The following ZNF292 variants were observed in gnomAD, a reference collection of about 807,000 sequenced individuals.
ZNF292 encodes the protein 16 zinc-finger domain protein.
ZNF292 carries 26 observed loss-of-function variants against 217.9 expected under a neutral mutation model. The ratio of observed to expected loss-of-function variants is 0.12; its 90% CI spans 0.09 to 0.17. The LOEUF is 0.17. Among genes scored for constraint, ZNF292 ranks in the 10% least tolerant of loss-of-function variants. The probability of loss-of-function intolerance (pLI) is 1.00; values close to 1 mark genes in which losing one functional copy is unlikely to be tolerated. For missense variants in ZNF292, 2,904 were observed against 3,175.2 expected (o/e 0.91, Z 2.05); for synonymous variants, 1,257 against 1,124.1 (o/e 1.12, Z -2.37).
At chr6:87,223,030 G>GTCAACA (rs1212550122) in intron 4 of ZNF292, 1 of 226,700 alleles carries the variant, frequency 4.4e-6, no homozygotes, top group Non-Finnish European at 9.4e-6. Flanking sequence ...GGTATCTGTT[G>GTCAACA]TCAACATGAC....
intron 1 of ZNF292, among the ~76,000 whole-genome samples, chr6:87,198,128 A>G (rs909543733): frequency 6.6e-6 from 1 of 152,178 alleles, no homozygotes; most frequent in African/African-American, 2.4e-5. Context: ...AGATGACACC[A>G]ATTAGCTTAA....
At chr6:87,208,331 A>C (rs115822639) in intron 1 of ZNF292, among the ~76,000 whole-genome samples, 1 of 151,976 alleles carries the variant, frequency 6.6e-6, no homozygotes, top group Non-Finnish European at 1.5e-5. Context: ...TGAATTAAAT[A>C]TTTTCTTTAT....
chr6:87,187,092 C>T (rs1001998099), intron 1 of ZNF292, among the ~76,000 whole-genome samples: 3 of 152,122 alleles, frequency 2.0e-5, no homozygotes, highest in African/African-American at 7.2e-5. Flanking sequence ...ACTTCAGTGA[C>T]ATTGCGTTTA....
chr6:87,155,566 C>A lies in ZNF292; in HGVS notation c.-26C>A. The A allele has an allele frequency of 3.2e-6, 5 of 1,564,738 alleles. No homozygotes were observed. In the South Asian group the frequency reaches 4.7e-5, roughly 15 times the overall value. On this transcript the variant is annotated 5_prime_UTR_variant, in exon 1 of 8. Coordinates refer to ENST00000369577, the MANE Select transcript of ZNF292 (RefSeq NM_015021.3). ...ATTGTGTTATCACGTGACCCAGGTG[C>A]GTACGCGACGGAGCGGGGTGTGAAG...
intron 1 of ZNF292, among the ~76,000 whole-genome samples, chr6:87,165,277 T>G (rs1399683800): frequency 6.6e-6 from 1 of 152,192 alleles, no homozygotes; most frequent in Non-Finnish European, 1.5e-5. Flanking sequence ...TAACAGTGTT[T>G]CTCAGATTTC....
At chr6:87,191,672 A>AT (rs1771826324) in intron 1 of ZNF292, among the ~76,000 whole-genome samples, 1 of 151,952 alleles carries the variant, frequency 6.6e-6, no homozygotes, top group Non-Finnish European at 1.5e-5. Flanking sequence ...CTTTTATTTT[A>AT]TTTATTTATT....
chr6:87,181,689 G>GT (rs145337407), intron 1 of ZNF292, among the ~76,000 whole-genome samples: 19,570 of 147,492 alleles, frequency 0.13, 1,432 homozygotes, highest in African/African-American at 0.2. Flanking sequence ...TTTTTGTTTT[G>GT]TTTTTTTTTT....
chr6:87,252,210 G>A (rs1228582698), intron 7 of ZNF292, among the ~76,000 whole-genome samples: 5 of 151,598 alleles, frequency 3.3e-5, no homozygotes, highest in Non-Finnish European at 5.9e-5. Context: ...GGAGTGCAGT[G>A]GTGCAGTCTC....
At chr6:87,189,824 C>T (rs1240008849) in intron 1 of ZNF292, among the ~76,000 whole-genome samples, 1 of 152,146 alleles carries the variant, frequency 6.6e-6, no homozygotes, top group African/African-American at 2.4e-5. Flanking sequence ...AGGAAGGAAG[C>T]CACTATTTGT....
chr6:87,161,950 C>G (rs148131067), intron 1 of ZNF292, among the ~76,000 whole-genome samples: 116 of 152,268 alleles, frequency 7.6e-4, no homozygotes, highest in Non-Finnish European at 1.4e-3. Flanking sequence ...TTCCCTCCCC[C>G]CAAAAGCATC....
chr6:87,216,345 A>C lies in ZNF292; in HGVS notation c.370A>C (p.Lys124Gln). 2 of 1,585,662 alleles carry C rather than the reference A, an allele frequency of 1.3e-6. No homozygotes were observed. Among genetic ancestry groups the C allele is most frequent in the Non-Finnish European group, 1.7e-6 (2 of 1,163,834 alleles). ...LLCLPVELSD[K>Q]QWEQFQTLVQ... ...GTGTCTGCCTGTTGAGTTATCAGATAAACAGTGGGAACAATTTCAGACACT... is the reference window on the plus strand; with the variant it reads ...GTGTCTGCCTGTTGAGTTATCAGATCAACAGTGGGAACAATTTCAGACACT... Residue 124 changes from lysine (K) to glutamine (Q), a missense_variant, in exon 3 of 8, where the codon AAA (lysine) becomes CAA (glutamine). Coordinates refer to ENST00000369577, the MANE Select transcript of ZNF292 (RefSeq NM_015021.3).
chr6:87,258,519 A>G lies in ZNF292; in HGVS notation c.4890A>G (p.Arg1630=). ...LNKKGNSASK[R]RKKVAPPLIA... ...AAAAGGGAAACAGTGCTTCTAAGAG[A>G]AGAAAGAAAGTTGCTCCTCCACTAA... Residue 1630 remains arginine (R), a synonymous_variant, in exon 8 of 8, where the codon AGA becomes AGG. Coordinates refer to ENST00000369577, the MANE Select transcript of ZNF292 (RefSeq NM_015021.3). The G allele has an allele frequency of 1.9e-6, 3 of 1,613,660 alleles. No homozygotes were observed. Among genetic ancestry groups the G allele is most frequent in the Non-Finnish European group, 2.5e-6 (3 of 1,179,772 alleles).
intron 1 of ZNF292, chr6:87,215,080 C>G (rs1188716833): frequency 6.6e-6 from 1 of 151,710 alleles, no homozygotes; most frequent in Non-Finnish European, 1.5e-5. Context: ...TGGCAGTCTT[C>G]TGTGTTATAA....
intron 6 of ZNF292, among the ~76,000 whole-genome samples, chr6:87,244,855 A>G (rs969983741): frequency 2.0e-5 from 3 of 152,114 alleles, no homozygotes; most frequent in African/African-American, 7.2e-5. Flanking sequence ...ACACATGCAC[A>G]CACATATATA....
At chr6:87,171,528 G>A (rs1045679897) in intron 1 of ZNF292, among the ~76,000 whole-genome samples, 2 of 152,122 alleles carry the variant, frequency 1.3e-5, no homozygotes, top group African/African-American at 4.8e-5. Flanking sequence ...GAATTACAGA[G>A]TAATTGTTAG....
chr6:87,166,114 C>A (rs1406348716), intron 1 of ZNF292, among the ~76,000 whole-genome samples: 2 of 152,054 alleles, frequency 1.3e-5, no homozygotes, highest in Non-Finnish European at 2.9e-5. Flanking sequence ...TTCACAGAAC[C>A]CGATTTGAGA....
At chr6:87,185,386 A>G (rs1354566730) in intron 1 of ZNF292, among the ~76,000 whole-genome samples, 1 of 152,192 alleles carries the variant, frequency 6.6e-6, no homozygotes, top group East Asian at 1.9e-4. Context: ...TGGGATTATG[A>G]TGAGCACTGC....
chr6:87,265,486 C>T lies in ZNF292; in HGVS notation c.*3685C>T, dbSNP rs1442346936. Among the ~76,000 whole-genome samples the T allele has an allele frequency of 6.6e-6, 1 of 152,120 alleles. No individual in the cohort carries two copies. Among genetic ancestry groups the T allele is most frequent in the African/African-American group, 2.4e-5 (1 of 41,418 alleles). Reference sequence around the variant, plus strand: ...TCACCCACCTCCACCTCCCAAAGTGCAGGTATTACAAGCATGAGCCACCAC... The same window carrying T: ...TCACCCACCTCCACCTCCCAAAGTGTAGGTATTACAAGCATGAGCCACCAC... On this transcript the variant is annotated 3_prime_UTR_variant, in exon 8 of 8. Coordinates refer to ENST00000369577, the MANE Select transcript of ZNF292 (RefSeq NM_015021.3).
chr6:87,206,524 G>A (rs975338923), intron 1 of ZNF292, among the ~76,000 whole-genome samples: 7 of 151,718 alleles, frequency 4.6e-5, no homozygotes, highest in African/African-American at 1.7e-4. Context: ...TACTTTAAGC[G>A]TTTATCTCCT....
Sources: gnomAD v4.1 joint callset for allele counts (sites outside exome capture counted in the v4.1 genomes callset) on GRCh38, gnomAD v4.1.1 for gene constraint, MANE v1.5 for transcripts, NCBI Gene and HGNC (gene_info 2026-07-23, HGNC 2026-07-21) for gene names.